Variants in GRIP1 observed in about 807,000 individuals in gnomAD.
The protein encoded by GRIP1 is glutamate receptor-interacting protein 1.
A neutral mutation model predicts 129.9 loss-of-function variants in GRIP1; 45 were observed. That is an observed-to-expected ratio of 0.35 (90% confidence interval 0.27 to 0.44). The LOEUF (loss-of-function observed/expected upper bound fraction) is 0.44. GRIP1 is among the 20% of genes least tolerant of loss of function. The pLI, the probability that GRIP1 is intolerant of heterozygous loss-of-function variation, is 1.00. For missense variants in GRIP1, 1,196 were observed against 1,396.8 expected, an observed-to-expected ratio of 0.86 and a Z score of 2.29; for synonymous variants, 530 against 520.8, an observed-to-expected ratio of 1.02 and a Z score of -0.24.
chr12:66,900,528 T>C (rs2040827911), intron 1 of GRIP1, among the ~76,000 whole-genome samples: 1 of 152,180 alleles, frequency 6.6e-6, no homozygotes, highest in Non-Finnish European at 1.5e-5. Context: ...AGTCTTAGCC[T>C]GAACTGACTA....
intron 1 of GRIP1, among the ~76,000 whole-genome samples, chr12:66,729,052 A>ATT (rs11290586): frequency 5.2e-4 from 77 of 146,976 alleles, no homozygotes; most frequent in East Asian, 2.8e-3. Flanking sequence ...AAATACGTTA[A>ATT]TTTTTTTTTT....
At chr12:66,465,953 G>A (rs2059274858) in intron 7 of GRIP1, among the ~76,000 whole-genome samples, 1 of 152,208 alleles carries the variant, frequency 6.6e-6, no homozygotes, top group South Asian at 2.1e-4. Context: ...AGAATGACAA[G>A]AGGGATGGGA....
intron 15 of GRIP1, among the ~76,000 whole-genome samples, chr12:66,413,967 T>A (rs774795671): frequency 6.6e-6 from 1 of 152,112 alleles, no homozygotes; most frequent in Admixed American, 6.5e-5. Context: ...GAAAGCCACA[T>A]AGGACAAACC....
At chr12:66,365,962 A>G (rs1247489503) in intron 23 of GRIP1, among the ~76,000 whole-genome samples, 3 of 152,228 alleles carry the variant, frequency 2.0e-5, no homozygotes, top group Non-Finnish European at 4.4e-5. Flanking sequence ...GGCTCATGGA[A>G]GTGGCATGGC....
chr12:66,481,550 A>G (rs1032889997), intron 7 of GRIP1, among the ~76,000 whole-genome samples: 2 of 152,186 alleles, frequency 1.3e-5, no homozygotes, highest in Non-Finnish European at 2.9e-5. Context: ...CAATTCCTCA[A>G]GGATCTTGAA....
At chr12:66,394,859 G>A (rs543593721) in intron 16 of GRIP1, among the ~76,000 whole-genome samples, 2 of 152,296 alleles carry the variant, frequency 1.3e-5, no homozygotes, top group African/African-American at 4.8e-5. Flanking sequence ...CATATATATG[G>A]TTAAGTGGAA....
intron 1 of GRIP1, among the ~76,000 whole-genome samples, chr12:66,605,992 C>T (rs2064506885): frequency 6.6e-6 from 1 of 152,032 alleles, no homozygotes; most frequent in Admixed American, 6.6e-5. Context: ...TTCCCAGGGT[C>T]ATTGATTTGA....
chr12:66,518,827 G>A (rs1245305773), intron 5 of GRIP1, among the ~76,000 whole-genome samples: 1 of 152,126 alleles, frequency 6.6e-6, no homozygotes, highest in Non-Finnish European at 1.5e-5. Flanking sequence ...ATGATCCAGA[G>A]CAGTAAAATA....
At chr12:66,552,172 G>A (rs918649756) in intron 2 of GRIP1, among the ~76,000 whole-genome samples, 1 of 152,118 alleles carries the variant, frequency 6.6e-6, no homozygotes, top group East Asian at 1.9e-4. Flanking sequence ...AGAGGACAAG[G>A]CTTGAGGTTC....
chr12:66,564,534 C>T (rs1431280302), intron 2 of GRIP1, among the ~76,000 whole-genome samples: 1 of 152,088 alleles, frequency 6.6e-6, no homozygotes, highest in African/African-American at 2.4e-5. Flanking sequence ...TATTGTTGGA[C>T]ATTTGGGTTG....
At chr12:66,949,927 C>T (rs947048312) in intron 1 of GRIP1, among the ~76,000 whole-genome samples, 1 of 151,844 alleles carries the variant, frequency 6.6e-6, no homozygotes, top group Non-Finnish European at 1.5e-5. Flanking sequence ...CGCCACCACG[C>T]CCGGCTAATT....
Position 66,517,967 on chromosome 12 carries a change from T to C in GRIP1, c.512A>G (p.His171Arg). The C allele has an allele frequency of 6.3e-7, 1 of 1,586,174 alleles. No homozygotes were observed. Among genetic ancestry groups the C allele is most frequent in the South Asian group, 1.1e-5 (1 of 90,542 alleles). ...TFGFVIRGGA[H>R]DDRNKSRPVV... ...TGGACGAGATTTATTTCTATCATCA[T>C]GTGCTCCCCCTAGCAAAGAAAAGGA... Residue 171 changes from histidine to arginine, a missense_variant, in exon 6 of 25, where the codon CAT becomes CGT. This residue lies in a region of GRIP1 where 217 missense variants were observed against 224.8 expected (regional missense o/e 0.97). Transcript: ENST00000359742.
chr12:66,990,547 C>T (rs1373828082), intron 1 of GRIP1, among the ~76,000 whole-genome samples: 2 of 152,218 alleles, frequency 1.3e-5, no homozygotes, highest in African/African-American at 4.8e-5. Context: ...CATTACTAGT[C>T]GCTTTCTAGC....
intron 2 of GRIP1, among the ~76,000 whole-genome samples, chr12:66,588,568 T>C (rs1294892022): frequency 6.6e-6 from 1 of 152,122 alleles, no homozygotes; most frequent in Non-Finnish European, 1.5e-5. Context: ...CCTTTTCCCT[T>C]CCCTCACTAC....
chr12:66,781,616 T>C (rs1270038233), intron 1 of GRIP1, among the ~76,000 whole-genome samples: 1 of 152,014 alleles, frequency 6.6e-6, no homozygotes, highest in Non-Finnish European at 1.5e-5. Flanking sequence ...TAGGACAAAT[T>C]GAAAATGAAA....
In GRIP1 at chr12:66,827,415, A is replaced by AGAGC. The variant is rs1375461122; in HGVS notation, c.59-230489_59-230488insGCTC. Among the ~76,000 whole-genome samples, 40 of 150,380 alleles carry AGAGC rather than the reference A, an allele frequency of 2.7e-4. No individual in the cohort carries two copies. The East Asian group carries it at 6.6e-3, about 25-fold the overall frequency. ...GAGAGAGAGAGAGAGAGAGAGAGAG[A>AGAGC]GCGCACAAGACAGCGAGAGCAAGAG... On this transcript the variant is annotated intron_variant, in intron 1 of 1. Transcript: ENST00000643019.
rs185184460 is a variant in GRIP1, at chr12:66,767,647, C to T, written c.-420+36406G>A. On this transcript the variant is annotated intron_variant, in intron 1 of 4. Transcript: ENST00000538373. ...ATAGGCTACCAGGCTGATTTCTTGC[C>T]GTAGGCTGAAAAACTGCAACCAACA... 1.5e-3 allele frequency among the ~76,000 whole-genome samples: 223 copies of T among 151,742 alleles called. 2 individuals carry two copies. The highest frequency in any genetic ancestry group is 0.012 in the South Asian group (59 of 4,794).
intron 5 of GRIP1, among the ~76,000 whole-genome samples, chr12:66,527,390 A>G (rs975152040): frequency 1.3e-5 from 2 of 152,106 alleles, no homozygotes; most frequent in Non-Finnish European, 2.9e-5. Flanking sequence ...CATGGATGAA[A>G]CTGGAAACCA....
At chr12:67,068,535 C>A (rs193251189) in intron 1 of GRIP1, among the ~76,000 whole-genome samples, 1 of 152,092 alleles carries the variant, frequency 6.6e-6, no homozygotes, top group South Asian at 2.1e-4. Context: ...TCTTCCTTCT[C>A]CTCTTCCTTC....
Sources: gnomAD v4.1 joint callset for allele counts (sites outside exome capture counted in the v4.1 genomes callset) on GRCh38, gnomAD v4.1.1 for gene constraint, gnomAD v4.1.1 regional missense constraint, MANE v1.5 for transcripts, NCBI Gene and HGNC (gene_info 2026-07-23, HGNC 2026-07-21) for gene names.